Variants in SLCO2B1 observed in about 807,000 individuals in gnomAD.
The protein encoded by SLCO2B1 is OATP-RP2.
SLCO2B1 carries 41 observed loss-of-function variants against 67.3 expected under a neutral mutation model. The observed-to-expected ratio is 0.61, with a 90% CI of 0.47 to 0.79. The LOEUF is 0.79. Ranked by LOEUF, SLCO2B1 falls within the 30% of genes least tolerant of loss-of-function variation. SLCO2B1 has a pLI of 0.00. For missense variants in SLCO2B1, 837 were observed against 920.1 expected, an observed-to-expected ratio of 0.91 and a Z score of 1.17; for synonymous variants, 379 against 381.4, an observed-to-expected ratio of 0.99 and a Z score of 0.07.
intron 3 of SLCO2B1, among the ~76,000 whole-genome samples, chr11:75,165,248 A>G (rs1949873181): frequency 6.6e-6 from 1 of 152,130 alleles, no homozygotes; most frequent in East Asian, 1.9e-4. Context: ...CCTGGCCGAC[A>G]TGGTGAAACC....
At chr11:75,151,723 A>G in intron 1 of SLCO2B1, 1 of 437,596 alleles carries the variant, frequency 2.3e-6, no homozygotes. Context: ...GGAGACAAAG[A>G]TAGAGACAGA....
chr11:75,182,145 C>T (rs1565542798), intron 7 of SLCO2B1, among the ~76,000 whole-genome samples: 2 of 152,216 alleles, frequency 1.3e-5, no homozygotes, highest in Non-Finnish European at 2.9e-5. Context: ...CAAATCTGCT[C>T]TCCCTTTCTA....
At chr11:75,201,783 T>C (rs1478919395) in intron 11 of SLCO2B1, 1 of 152,276 alleles carries the variant, frequency 6.6e-6, no homozygotes, top group East Asian at 1.9e-4. Flanking sequence ...GGCTGCATCC[T>C]GCAGGGACCT....
chr11:75,173,793 T>C (rs774767189), intron 7 of SLCO2B1, among the ~76,000 whole-genome samples: 2 of 152,090 alleles, frequency 1.3e-5, no homozygotes, highest in Non-Finnish European at 2.9e-5. Flanking sequence ...AATGACAAAA[T>C]AGAAACAATT....
rs780363198 is a variant in SLCO2B1, at chr11:75,172,473, C to T, written c.876C>T (p.Ile292=). 7.4e-6 allele frequency: 12 copies of T among 1,614,042 alleles called. No homozygotes were observed. In the South Asian group the frequency reaches 1.3e-4, roughly 18 times the overall value. Residue 292 remains isoleucine, a synonymous_variant, in exon 7 of 14, where the codon ATC becomes ATT. Transcript: ENST00000289575. The part of the protein sequence containing the change: ...IAAGAVALAA[I]PYFFFPKEMP... ...CCGGTGCAGTGGCCCTGGCTGCCAT[C>T]CCCTACTTCTTCTTCCCCAAGGAAA...
intron 1 of SLCO2B1, among the ~76,000 whole-genome samples, chr11:75,157,405 T>C (rs761703765): frequency 6.6e-6 from 1 of 152,204 alleles, no homozygotes; most frequent in Non-Finnish European, 1.5e-5. Context: ...GGAGATGCTT[T>C]CTGCACCAGG....
intron 2 of SLCO2B1, among the ~76,000 whole-genome samples, chr11:75,163,165 G>A (rs1949844169): frequency 6.6e-6 from 1 of 152,164 alleles, no homozygotes; most frequent in South Asian, 2.1e-4. Context: ...AGCCCACTGG[G>A]TGCCAGGCGC....
rs528731324 is a variant in SLCO2B1 at position 75,162,711 on chromosome 11, A to G, written c.73A>G (p.Thr25Ala). 1.3e-6 allele frequency: 2 copies of G among 1,542,698 alleles called. No individual in the cohort carries two copies. The highest frequency in any genetic ancestry group is 1.8e-5 in the Admixed American group (1 of 54,778). The change falls in exon 2 of 14, where the codon ACA becomes GCA. Residue 25 changes from threonine to alanine, a missense_variant. Thr to Ala is a moderately conservative substitution (Grantham distance 58). Coordinates refer to ENST00000289575, the MANE Select transcript of SLCO2B1 (RefSeq NM_007256.5). Reference sequence around the variant, plus strand: ...CAAGGAAACCAAAGCCACAATGGGCACAGAAAACACACCTGGAGGCAAAGC... The same window carrying G: ...CAAGGAAACCAAAGCCACAATGGGCGCAGAAAACACACCTGGAGGCAAAGC... The part of the protein sequence containing the change: ...PDKETKATMG[T>A]ENTPGGKASP...
intron 7 of SLCO2B1, among the ~76,000 whole-genome samples, chr11:75,181,962 G>T (rs556887372): frequency 1.1e-3 from 168 of 152,202 alleles, no homozygotes; most frequent in Non-Finnish European, 2.1e-3. Context: ...GACAGATAGG[G>T]CTCCCAATAG....
At chr11:75,192,684 G>GA (rs923248742) in intron 8 of SLCO2B1, among the ~76,000 whole-genome samples, 8 of 151,872 alleles carry the variant, frequency 5.3e-5, no homozygotes, top group Non-Finnish European at 2.9e-5. Context: ...TTGAATGGAA[G>GA]AAAAAAACAC....
chr11:75,165,821 A>G lies in SLCO2B1; in HGVS notation c.320A>G (p.Tyr107Cys). The part of the protein sequence containing the change: ...GNTALIVFVS[Y>C]FGSRVHRPRM... The stretch of plus-strand genomic sequence containing the variant: ...ACAGCCTTGATTGTGTTTGTGAGCT[A>G]TTTTGGCAGCCGGGTGCACCGACCC... Residue 107 changes from tyrosine (Y) to cysteine (C), a missense_variant, in exon 4 of 14, where the codon TAT becomes TGT. Coordinates refer to ENST00000289575, the MANE Select transcript of SLCO2B1 (RefSeq NM_007256.5). 6.2e-7 allele frequency: 1 copy of G among 1,614,072 alleles called. No individual in the cohort carries two copies. Among genetic ancestry groups the G allele is most frequent in the African/African-American group, 1.3e-5 (1 of 75,022 alleles).
rs776490379 is a variant in SLCO2B1, at chr11:75,165,917, C to T, written c.416C>T (p.Ser139Leu). 19 of 1,614,118 alleles carry T rather than the reference C, an allele frequency of 1.2e-5. No individual in the cohort carries two copies. The highest frequency in any genetic ancestry group is 5.0e-5 in the Admixed American group (3 of 60,016). The change falls in exon 4 of 14, where the codon TCG becomes TTG. Residue 139 changes from serine to leucine, a missense_variant. Coordinates refer to ENST00000289575, the MANE Select transcript of SLCO2B1 (RefSeq NM_007256.5). ...CTCATGACTCTCCCGCACTTCATCT[C>T]GGAGCCATACCGCTACGACAACACC... is the stretch of plus-strand genomic sequence containing the variant. Reference protein sequence around the residue: ...GLLMTLPHFISEPYRYDNTSP... With the variant: ...GLLMTLPHFILEPYRYDNTSP...
At chr11:75,175,373 A>T (rs1461673968) in intron 7 of SLCO2B1, among the ~76,000 whole-genome samples, 1 of 152,142 alleles carries the variant, frequency 6.6e-6, no homozygotes, top group Non-Finnish European at 1.5e-5. Flanking sequence ...ATTGGCTGCC[A>T]GAAAGTCCAG....
intron 4 of SLCO2B1, 40 bp from the exon 5 acceptor site, chr11:75,169,133 T>A: frequency 6.6e-7 from 1 of 1,522,748 alleles, no homozygotes; most frequent in Non-Finnish European, 9.0e-7. Context: ...TATTTAAGTC[T>A]TAGCTATTGT....
chr11:75,152,568 A>G (rs1377887189), intron 1 of SLCO2B1: 1 of 152,340 alleles, frequency 6.6e-6, no homozygotes, highest in Non-Finnish European at 1.5e-5. Flanking sequence ...GCCATTGACA[A>G]ACCAAATTCC....
At chr11:75,182,285 G>C (rs10793115) in intron 7 of SLCO2B1, among the ~76,000 whole-genome samples, 7,798 of 152,292 alleles carry the variant, frequency 0.051, 751 homozygotes, top group East Asian at 0.37. Context: ...CTGACACAGG[G>C]AGACTAGAGA....
Position 75,206,222 on chromosome 11 carries a change from A to G in SLCO2B1, c.*1642A>G, listed in dbSNP as rs1161604536. 6.6e-6 allele frequency: 1 copy of G among 152,200 alleles called. No individual in the cohort carries two copies. Among genetic ancestry groups the G allele is most frequent in the Non-Finnish European group, 1.5e-5 (1 of 68,046 alleles). 9.4% of individuals were successfully genotyped at this position (152,200 alleles called of 1,614,324 possible). A position where few individuals can be genotyped will look rare whatever the true frequency, so the allele number is the denominator to read the frequency against. Reference sequence around the variant, plus strand: ...AGGGAAAAAAAGTCTGGAATTATAGATACAGCTTATTATTAAATTTGTTCT... The same window carrying G: ...AGGGAAAAAAAGTCTGGAATTATAGGTACAGCTTATTATTAAATTTGTTCT... On this transcript the variant is annotated 3_prime_UTR_variant, in exon 14 of 14. Coordinates refer to ENST00000289575, the MANE Select transcript of SLCO2B1 (RefSeq NM_007256.5).
Position 75,196,529 on chromosome 11 carries a change from G to A in SLCO2B1, c.1449G>A (p.Leu483=), listed in dbSNP as rs949599014. 1.9e-5 allele frequency: 31 copies of A among 1,613,664 alleles called. No homozygotes were observed. Among genetic ancestry groups the A allele is most frequent in the Non-Finnish European group, 2.5e-5 (30 of 1,179,886 alleles). ...ITHQTSAHPG[L]ELSPSCMEAC... ...CTCCCACCAGTGCCCACCCTGGGCT[G>A]GAGCTGTCTCCAAGCTGCATGGAGG... Residue 483 remains leucine (L), a synonymous_variant, in exon 10 of 14, where the codon CTG becomes CTA. Coordinates refer to ENST00000289575, the MANE Select transcript of SLCO2B1 (RefSeq NM_007256.5).
intron 13 of SLCO2B1, 199 bp from the exon 14 acceptor site, chr11:75,204,201 C>T (rs142805001): frequency 8.3e-5 from 43 of 519,280 alleles, no homozygotes; most frequent in African/African-American, 5.4e-4. Flanking sequence ...CAGGACAGGG[C>T]GATGAAGATG....
Sources: allele counts gnomAD v4.1 joint callset (sites outside exome capture counted in the v4.1 genomes callset), GRCh38; gene constraint gnomAD v4.1.1; transcripts MANE v1.5; gene names NCBI Gene and HGNC (gene_info 2026-07-23, HGNC 2026-07-21).